MYO16: variants seen among roughly 807,000 people sequenced by gnomAD.
MYO16 encodes the protein myosin XVI.
MYO16 carries 94 observed loss-of-function variants against 205.3 expected under a neutral mutation model. The ratio of observed to expected loss-of-function variants is 0.46; its 90% CI spans 0.39 to 0.54. The LOEUF is 0.54. MYO16 is among the 20% of genes least tolerant of loss of function. The pLI is 0.00. For missense variants in MYO16, 2,315 were observed against 2,387.5 expected, an observed-to-expected ratio of 0.97 and a Z score of 0.63; for synonymous variants, 988 against 954.0, an observed-to-expected ratio of 1.04 and a Z score of -0.66.
intron 23 of MYO16, 28 bp from the exon 24 acceptor site, chr13:109,046,888 G>T: frequency 6.5e-7 from 1 of 1,539,684 alleles, no homozygotes; most frequent in Non-Finnish European, 9.0e-7. Flanking sequence ...TGAATCATTA[G>T]TAATTATGCT....
At chr13:108,548,419 GGAT>G in the MYO16 span, among the ~76,000 whole-genome samples, 1 of 134,904 alleles carries the variant, frequency 7.4e-6, no homozygotes, top group Admixed American at 7.6e-5. Flanking sequence ...GTGGTGAGGA[GGAT>G]GATGATGGTT....
intron 2 of MYO16, among the ~76,000 whole-genome samples, chr13:108,677,335 G>GTGTATATATATATATGCATA (rs1247551957): frequency 3.4e-5 from 3 of 87,484 alleles, no homozygotes; most frequent in African/African-American, 1.5e-4. Context: ...GTGTGTGTGT[G>GTGTATATATATATATGCATA]TATATATATA....
intron 1 of MYO16, among the ~76,000 whole-genome samples, chr13:108,622,705 A>T (rs2139337902): frequency 6.6e-6 from 1 of 151,972 alleles, no homozygotes; most frequent in South Asian, 2.1e-4. Flanking sequence ...CGAGAGGAAG[A>T]GGAGGTAAGA....
intron 1 of MYO16, among the ~76,000 whole-genome samples, chr13:108,637,027 C>T (rs565755017): frequency 3.3e-5 from 5 of 152,150 alleles, no homozygotes; most frequent in Admixed American, 3.3e-4. Flanking sequence ...CCTCAGATAT[C>T]CATATCTGTG....
At position 108,629,837 on chromosome 13, in the gene MYO16, A is replaced by G; in HGVS notation, c.-8A>G. The G allele has an allele frequency of 6.5e-7, 1 of 1,529,350 alleles. No homozygotes were observed. Among genetic ancestry groups the G allele is most frequent in the Middle Eastern group, 1.7e-4 (1 of 5,954 alleles). The allele number at this position is 1,529,350 out of a possible 1,614,324, so 94.7% of individuals were successfully genotyped here. A position where few individuals can be genotyped will look rare whatever the true frequency, so the allele number is the denominator to read the frequency against. ...ACCCGTAGCAAGATTCCTGTCTGAG[A>G]TGGAAAGATGTCTCACTATCATTTT... On this transcript the variant is annotated 5_prime_UTR_variant, in exon 1 of 35. The change abolishes an upstream ATG in the 5' untranslated region. Transcript: ENST00000457511.
chr13:108,840,993 C>T (rs1246695141), intron 9 of MYO16, among the ~76,000 whole-genome samples: 1 of 152,126 alleles, frequency 6.6e-6, no homozygotes, highest in Non-Finnish European at 1.5e-5. Flanking sequence ...CAATTGAATG[C>T]AATGCTAATC....
At chr13:108,942,109 C>A (rs1244906324) in intron 16 of MYO16, among the ~76,000 whole-genome samples, 1 of 152,166 alleles carries the variant, frequency 6.6e-6, no homozygotes, top group Non-Finnish European at 1.5e-5. Flanking sequence ...GGCTAACAGG[C>A]CTGCATTTGA....
intron 6 of MYO16, among the ~76,000 whole-genome samples, chr13:108,803,784 C>T (rs1450221836): frequency 1.3e-5 from 2 of 152,104 alleles, no homozygotes; most frequent in Admixed American, 6.6e-5. Context: ...ATTTACCAAA[C>T]AAGACTGCCT....
chr13:108,725,082 T>C (rs940166525), intron 3 of MYO16, among the ~76,000 whole-genome samples: 3 of 152,200 alleles, frequency 2.0e-5, no homozygotes, highest in Non-Finnish European at 4.4e-5. Flanking sequence ...ATATCTAGTC[T>C]GCTGTTGATC....
At chr13:108,510,485 T>TTTTTTTTTTTTTTTTTTTTTA in the MYO16 span, among the ~76,000 whole-genome samples, 1 of 96,440 alleles carries the variant, frequency 1.0e-5, no homozygotes, top group East Asian at 3.3e-4. Context: ...TTTTTTTTTT[T>TTTTTTTTTTTTTTTTTTTTTA]ATTGTACTTT....
intron 21 of MYO16, among the ~76,000 whole-genome samples, chr13:109,002,737 A>G (rs558010591): frequency 6.6e-6 from 1 of 152,302 alleles, no homozygotes; most frequent in African/African-American, 2.4e-5. Context: ...AGGTATACGA[A>G]CTAATTTGCC....
intron 1 of MYO16, among the ~76,000 whole-genome samples, chr13:108,650,585 A>G (rs1880956779): frequency 1.3e-5 from 2 of 152,378 alleles, no homozygotes; most frequent in South Asian, 4.1e-4. Flanking sequence ...TCAAAAATGT[A>G]TATTTAGGGT....
intron 11 of MYO16, among the ~76,000 whole-genome samples, chr13:108,862,722 A>T (rs1164442933): frequency 6.6e-6 from 1 of 152,202 alleles, no homozygotes; most frequent in African/African-American, 2.4e-5. Context: ...TGTATACTTT[A>T]AAGTTAATTT....
At chr13:108,609,001 AT>A (rs919148243) in intron 1 of MYO16, among the ~76,000 whole-genome samples, 5 of 152,104 alleles carry the variant, frequency 3.3e-5, no homozygotes, top group African/African-American at 1.2e-4. Flanking sequence ...TTTAATCTTT[AT>A]TTTTTGAAGG....
intron 20 of MYO16, among the ~76,000 whole-genome samples, chr13:108,984,234 A>G (rs1884549912): frequency 1.3e-5 from 2 of 152,164 alleles, no homozygotes; most frequent in African/African-American, 4.8e-5. Context: ...TGGTAGGACC[A>G]CTATTAATGG....
chr13:108,814,411 T>C lies in MYO16; in HGVS notation c.868-5926T>C, dbSNP rs571941668. ...AATTTTTCCCTACCTTACTCCATAT[T>C]TTATTTTTTTGTTCTTTCATTTTCT... On this transcript the variant is annotated intron_variant, in intron 7 of 34. Coordinates refer to ENST00000457511, the MANE Select transcript of MYO16 (RefSeq NM_001198950.3). 2.3e-4 allele frequency among the ~76,000 whole-genome samples: 35 copies of C among 152,236 alleles called. 1 individual carries two copies. Among genetic ancestry groups the C allele is most frequent in the South Asian group, 2.3e-3 (11 of 4,830 alleles).
chr13:108,665,594 G>T (rs1368850528), intron 1 of MYO16, among the ~76,000 whole-genome samples: 1 of 152,180 alleles, frequency 6.6e-6, no homozygotes, highest in African/African-American at 2.4e-5. Context: ...GAGGCTTTTG[G>T]GATGGATTGA....
chr13:109,174,887 G>C (rs1007157672), intron 33 of MYO16, among the ~76,000 whole-genome samples: 1 of 151,448 alleles, frequency 6.6e-6, no homozygotes, highest in Non-Finnish European at 1.5e-5. Context: ...GAGTAGCTGG[G>C]ACTACAGGCG....
Position 109,052,314 on chromosome 13 carries a change from G to A in MYO16, c.2887G>A (p.Val963Met), listed in dbSNP as rs183941600. 697 of 1,612,342 alleles carry A rather than the reference G, an allele frequency of 4.3e-4. 3 individuals carry two copies. The highest frequency in any genetic ancestry group is 5.3e-5 in the African/African-American group (4 of 74,922). Residue 963 changes from valine (V) to methionine (M), a missense_variant, in exon 25 of 35, where the codon GTG (valine) becomes ATG (methionine). Around this residue, in one of 3 missense-constraint regions of MYO16, gnomAD observed 1,213 missense variants for 1,274.4 expected, o/e 0.95. Transcript: ENST00000457511. ...LFVMKTSENVVINHLFQSKLS... is the reference protein window; with the variant it reads ...LFVMKTSENVMINHLFQSKLS... ...TTATTTCCTAGCTAGTGAAAATGTC[G>A]TGATCAATCATTTGTTCCAGTCGAA...
Sources: allele counts gnomAD v4.1 joint callset (sites outside exome capture counted in the v4.1 genomes callset), GRCh38; gene constraint gnomAD v4.1.1; regional missense constraint gnomAD v4.1.1; transcripts MANE v1.5; gene names NCBI Gene and HGNC (gene_info 2026-07-23, HGNC 2026-07-21).